The following MIGA1 variants were observed in gnomAD, a reference collection of about 807,000 sequenced individuals.
MIGA1 encodes the protein mitoguardin 1, also known as family with sequence similarity 73, member A.
In MIGA1, 58 loss-of-function variants were observed where a neutral mutation model predicts 82.0. The observed-to-expected ratio is 0.71, with a 90% CI of 0.57 to 0.88. The LOEUF (loss-of-function observed/expected upper bound fraction) is 0.88. Among genes scored for constraint, MIGA1 ranks in the 40% least tolerant of loss-of-function variants. The pLI, the probability that MIGA1 is intolerant of heterozygous loss-of-function variation, is 0.00. For synonymous variants in MIGA1, 249 were observed against 253.6 expected, an observed-to-expected ratio of 0.98 and a Z score of 0.17; for missense variants, 751 against 749.1, an observed-to-expected ratio of 1.00 and a Z score of -0.03.
chr1:77,799,676 C>A (rs1384318859), intron 2 of MIGA1, among the ~76,000 whole-genome samples: 1 of 148,712 alleles, frequency 6.7e-6, no homozygotes, highest in Middle Eastern at 3.5e-3. Flanking sequence ...TTTTTTTTTC[C>A]GAGTGAGTTT....
At position 77,843,382 on chromosome 1, in the gene MIGA1, C is replaced by T. The variant is rs754590942; in HGVS notation, c.971C>T (p.Thr324Met). The change falls in exon 8 of 16, where the codon ACG becomes ATG. Residue 324 changes from threonine (T) to methionine (M), a missense_variant. Thr to Met is a moderately conservative substitution (Grantham distance 81). Around this residue, in one of 3 missense-constraint regions of MIGA1, gnomAD observed 482 missense variants for 439.4 expected, o/e 1.10. Coordinates refer to ENST00000370791, the MANE Select transcript of MIGA1 (RefSeq NM_198549.4). ...CGAGACACCTTGAGCATCGCATCCA[C>T]GGATTCCTTTGCTTCCGCAGCAGAG... is the stretch of plus-strand genomic sequence containing the variant. 5 of 1,613,914 alleles carry T rather than the reference C, an allele frequency of 3.1e-6. No individual in the cohort carries two copies. The highest frequency in any genetic ancestry group is 4.5e-5 in the East Asian group (2 of 44,868).
intron 2 of MIGA1, among the ~76,000 whole-genome samples, chr1:77,791,032 C>T (rs1166864759): frequency 6.6e-6 from 1 of 151,842 alleles, no homozygotes; most frequent in Non-Finnish European, 1.5e-5. Context: ...TGCTTGAGAC[C>T]AAGAGTTTGA....
chr1:77,869,139 T>C (rs2101968900), intron 14 of MIGA1, among the ~76,000 whole-genome samples: 1 of 149,158 alleles, frequency 6.7e-6, no homozygotes, highest in East Asian at 2.0e-4. Context: ...GGAGTGGTGA[T>C]GACTCTTAAC....
At chr1:77,861,094 A>G (rs1685438288) in intron 11 of MIGA1, 130 bp from the exon 12 acceptor site, 9 of 587,966 alleles carry the variant, frequency 1.5e-5, no homozygotes, top group Non-Finnish European at 2.6e-5. Flanking sequence ...TAAATTTGGC[A>G]TACCTTTAAA....
intron 8 of MIGA1, chr1:77,848,103 C>T: frequency 7.6e-7 from 1 of 1,314,038 alleles, no homozygotes; most frequent in East Asian, 2.3e-5. Flanking sequence ...CCAACAGAAG[C>T]AATCCAGAGA....
At position 77,807,051 on chromosome 1, in the gene MIGA1, T is replaced by A; in HGVS notation, c.587T>A (p.Ile196Asn). ...TGGGACAAAGCAGATGAAGATGATA[T>A]TAAACTTGTTAATATTCCTGTGACT... Residue 196 changes from isoleucine (I) to asparagine (N), a missense_variant, in exon 5 of 16, where the codon ATT becomes AAT. Coordinates refer to ENST00000370791, the MANE Select transcript of MIGA1 (RefSeq NM_198549.4). 1 of 1,601,062 alleles carries A rather than the reference T, an allele frequency of 6.2e-7. No individual in the cohort carries two copies. Among genetic ancestry groups the A allele is most frequent in the Non-Finnish European group, 8.6e-7 (1 of 1,168,420 alleles).
chr1:77,796,205 G>T (rs1682647214), intron 2 of MIGA1, among the ~76,000 whole-genome samples: 1 of 149,714 alleles, frequency 6.7e-6, no homozygotes, highest in Non-Finnish European at 1.5e-5. Context: ...TGCAAGCTCT[G>T]CCTCCTGGGT....
chr1:77,867,631 A>T (rs1685726209), intron 14 of MIGA1, among the ~76,000 whole-genome samples: 1 of 152,192 alleles, frequency 6.6e-6, no homozygotes, highest in Admixed American at 6.6e-5. Flanking sequence ...CCTAGCCCTC[A>T]TAGGGTTTCT....
chr1:77,874,213 A>G lies in MIGA1; in HGVS notation c.1681-633A>G, dbSNP rs527251185. On this transcript the variant is annotated intron_variant, in intron 15 of 15. Coordinates refer to ENST00000370791, the MANE Select transcript of MIGA1 (RefSeq NM_198549.4). Reference sequence around the variant, plus strand: ...ACATAATAGCTGAGACTTAATACTTATTCGTATACAGTTTGCTTACAGTGA... The same window carrying G: ...ACATAATAGCTGAGACTTAATACTTGTTCGTATACAGTTTGCTTACAGTGA... Among the ~76,000 whole-genome samples the G allele has an allele frequency of 3.3e-5, 5 of 152,208 alleles. No homozygotes were observed. The South Asian group carries it at 1.0e-3, about 32-fold the overall frequency.
At position 77,873,011 on chromosome 1, in the gene MIGA1, A is replaced by G; in HGVS notation, c.1571A>G (p.Asp524Gly). The G allele has an allele frequency of 1.2e-6, 2 of 1,613,968 alleles. No individual in the cohort carries two copies. Among genetic ancestry groups the G allele is most frequent in the Non-Finnish European group, 1.7e-6 (2 of 1,180,012 alleles). Reference sequence around the variant, plus strand: ...TCCTTTACTTCCCAGCAGATCCCAGATGGATTTTTTGCCCATTTTTATGCC... The same window carrying G: ...TCCTTTACTTCCCAGCAGATCCCAGGTGGATTTTTTGCCCATTTTTATGCC... The change falls in exon 15 of 16, where the codon GAT becomes GGT. Residue 524 changes from aspartate to glycine, a missense_variant. Transcript: ENST00000370791.
At chr1:77,837,854 C>T (rs1395129775) in intron 7 of MIGA1, among the ~76,000 whole-genome samples, 1 of 152,160 alleles carries the variant, frequency 6.6e-6, no homozygotes, top group Non-Finnish European at 1.5e-5. Context: ...TGTTGGTATT[C>T]ACTACAGGGT....
At chr1:77,794,821 A>G (rs1034430658) in intron 2 of MIGA1, among the ~76,000 whole-genome samples, 1 of 152,086 alleles carries the variant, frequency 6.6e-6, no homozygotes, top group Non-Finnish European at 1.5e-5. Context: ...GCACACACAC[A>G]CACCCCTTGA....
intron 8 of MIGA1, among the ~76,000 whole-genome samples, chr1:77,846,085 A>T (rs1407766239): frequency 6.6e-6 from 1 of 152,028 alleles, no homozygotes; most frequent in African/African-American, 2.4e-5. Context: ...CTAATTTCAG[A>T]ACATTTTTAT....
At chr1:77,866,510 C>A in intron 14 of MIGA1, 119 bp downstream of exon 14, 1 of 914,096 alleles carries the variant, frequency 1.1e-6, no homozygotes, top group Non-Finnish European at 1.8e-6. Context: ...GAGGGACTGT[C>A]CCTCAGGCTA....
In MIGA1 at chr1:77,815,251, TG is replaced by T. The variant is rs1420210238; in HGVS notation, c.895+22del. 6.5e-7 allele frequency: 1 copy of T among 1,549,706 alleles called. No homozygotes were observed. Among genetic ancestry groups the T allele is most frequent in the East Asian group, 2.3e-5 (1 of 43,448 alleles). On this transcript the variant is annotated intron_variant, in intron 7 of 15. Transcript: ENST00000370791. ...ATATTGGTAAGATGGATATTTCATA[TG>T]GCTTTTATGAAATGTTTACTTTTCT... is the stretch of plus-strand genomic sequence containing the variant.
At chr1:77,847,379 T>A in intron 8 of MIGA1, 5 of 1,089,330 alleles carry the variant, frequency 4.6e-6, no homozygotes, top group Non-Finnish European at 5.7e-6. Flanking sequence ...AAAACAATAC[T>A]AAATTGCTTT....
intron 14 of MIGA1, among the ~76,000 whole-genome samples, 183 bp from the exon 15 acceptor site, chr1:77,872,821 A>T (rs558851599): frequency 6.6e-6 from 1 of 152,348 alleles, no homozygotes; most frequent in South Asian, 2.1e-4. Flanking sequence ...ACTGCTTAGG[A>T]TGCTAAAGCC....
At chr1:77,835,518 A>T (rs1398361574) in intron 7 of MIGA1, among the ~76,000 whole-genome samples, 1 of 152,216 alleles carries the variant, frequency 6.6e-6, no homozygotes, top group Non-Finnish European at 1.5e-5. Flanking sequence ...TTTAATGTAC[A>T]ATCAACCAGT....
In MIGA1 at chr1:77,869,891, G is replaced by A. The variant is rs867563677; in HGVS notation, c.1564-3113G>A. Among the ~76,000 whole-genome samples, 323 of 113,446 alleles carry A rather than the reference G, an allele frequency of 2.8e-3. 2 individuals are homozygous for A. The highest frequency in any genetic ancestry group is 3.8e-3 in the Non-Finnish European group (202 of 52,492). 74.4% of individuals were successfully genotyped at this position (113,446 alleles called of 152,430 possible). ...TGATCCCCCCACCTCCCTCCCGGACGGGGCGGCTGGCCGGGCGGGGGGCTG... is the reference window on the plus strand; with the variant it reads ...TGATCCCCCCACCTCCCTCCCGGACAGGGCGGCTGGCCGGGCGGGGGGCTG... On this transcript the variant is annotated intron_variant, in intron 14 of 15. Coordinates refer to ENST00000370791, the MANE Select transcript of MIGA1 (RefSeq NM_198549.4).
Sources: allele counts gnomAD v4.1 joint callset (sites outside exome capture counted in the v4.1 genomes callset), GRCh38; gene constraint gnomAD v4.1.1; regional missense constraint gnomAD v4.1.1; transcripts MANE v1.5; gene names NCBI Gene and HGNC (gene_info 2026-07-23, HGNC 2026-07-21).